Variants in RAB3IL1 observed in about 807,000 individuals in gnomAD.
RAB3IL1 encodes RAB3A interacting protein like 1.
RAB3IL1 carries 37 observed loss-of-function variants against 49.2 expected under a neutral mutation model. The observed-to-expected ratio is 0.75, with a 90% CI of 0.58 to 0.99. RAB3IL1 has a LOEUF of 0.99. RAB3IL1 is among the 50% of genes least tolerant of loss of function. The pLI is 0.00. For missense variants in RAB3IL1, 484 were observed against 513.0 expected (o/e 0.94, Z 0.55); for synonymous variants, 193 against 213.9 (o/e 0.90, Z 0.85).
At chr11:61,921,318 C>T (rs1245355591), upstream of RAB3IL1, among the ~76,000 whole-genome samples, 4 of 152,148 alleles carry the variant, frequency 2.6e-5, no homozygotes, top group Non-Finnish European at 5.9e-5. Context: ...AGACGGTGTG[C>T]CTTTGAGCAC....
At chr11:61,942,570 G>A in the RAB3IL1 span, among the ~76,000 whole-genome samples, 1 of 152,098 alleles carries the variant, frequency 6.6e-6, no homozygotes, top group Non-Finnish European at 1.5e-5. Context: ...CACTGCACCT[G>A]GCAAATTATG....
At chr11:61,920,514 G>T (rs981219422), upstream of RAB3IL1, among the ~76,000 whole-genome samples, 1 of 152,220 alleles carries the variant, frequency 6.6e-6, no homozygotes, top group Non-Finnish European at 1.5e-5. Context: ...CACCACGCAG[G>T]CTGGGGTGTT....
chr11:61,920,156 G>A (rs1401897649), upstream of RAB3IL1: 8 of 1,326,890 alleles, frequency 6.0e-6, no homozygotes, highest in East Asian at 2.9e-5. Flanking sequence ...CATGTCCCTC[G>A]GGCGGGGCAC....
the RAB3IL1 span, chr11:61,945,805 G>A: frequency 1.0e-6 from 1 of 985,354 alleles, no homozygotes; most frequent in Non-Finnish European, 1.2e-6. Context: ...AGTCCATGGG[G>A]GACCTCGCAG....
At chr11:61,944,586 C>A in the RAB3IL1 span, among the ~76,000 whole-genome samples, 1 of 152,168 alleles carries the variant, frequency 6.6e-6, no homozygotes. Context: ...AAGGACGATG[C>A]TCCCGGGCCC....
At chr11:61,900,486 G>A (rs1019825616) in intron 8 of RAB3IL1, among the ~76,000 whole-genome samples, 7 of 152,208 alleles carry the variant, frequency 4.6e-5, no homozygotes, top group Admixed American at 3.9e-4. Flanking sequence ...GCGAGAGAGC[G>A]GGGCGAGGTC....
At chr11:61,912,398 C>G (rs555556272) in intron 1 of RAB3IL1, among the ~76,000 whole-genome samples, 2 of 152,338 alleles carry the variant, frequency 1.3e-5, no homozygotes, top group East Asian at 3.9e-4. Context: ...GGCCAGCTCT[C>G]AGGCCAGCCT....
the RAB3IL1 span, among the ~76,000 whole-genome samples, chr11:61,925,571 G>A: frequency 2.6e-5 from 4 of 151,874 alleles, no homozygotes; most frequent in Non-Finnish European, 5.9e-5. Context: ...GGAGGTGGAG[G>A]CTGCAGTGAG....
upstream of RAB3IL1, among the ~76,000 whole-genome samples, chr11:61,918,068 C>T (rs1939787158): frequency 6.6e-6 from 1 of 152,186 alleles, no homozygotes; most frequent in African/African-American, 2.4e-5. Context: ...CTCACTCAGC[C>T]TCCTGCCACT....
At chr11:61,916,337 C>T (rs933627125) in intron 1 of RAB3IL1, among the ~76,000 whole-genome samples, 2 of 151,454 alleles carry the variant, frequency 1.3e-5, no homozygotes, top group African/African-American at 4.9e-5. Context: ...CAGAGCAAGA[C>T]TCCGTCTCAA....
chr11:61,917,297 G>T, intron 1 of RAB3IL1, 60 bp downstream of exon 1: 11 of 1,353,008 alleles, frequency 8.1e-6, no homozygotes, highest in Non-Finnish European at 1.0e-5. Context: ...AAATCCTCCC[G>T]TCCCGGGAGG....
At chr11:61,931,701 G>A in the RAB3IL1 span, among the ~76,000 whole-genome samples, 165 of 152,282 alleles carry the variant, frequency 1.1e-3, no homozygotes, top group African/African-American at 3.6e-3. Context: ...ACCTCAGGAT[G>A]AGAAAAGAAG....
the RAB3IL1 span, among the ~76,000 whole-genome samples, chr11:61,926,265 A>G: frequency 3.6e-4 from 55 of 152,346 alleles, no homozygotes; most frequent in South Asian, 6.2e-3. Flanking sequence ...TCACTCATTC[A>G]TCAGATTTTT....
chr11:61,929,884 CTTTTTT>C, the RAB3IL1 span, among the ~76,000 whole-genome samples: 3 of 66,380 alleles, frequency 4.5e-5, no homozygotes, highest in African/African-American at 1.1e-4. Flanking sequence ...CCGCGCCCGG[CTTTTTT>C]TTTTTTTTTT....
intron 1 of RAB3IL1, among the ~76,000 whole-genome samples, chr11:61,909,502 C>A (rs1405194102): frequency 6.6e-6 from 1 of 152,238 alleles, no homozygotes; most frequent in Non-Finnish European, 1.5e-5. Flanking sequence ...CCCGGTCCAG[C>A]TGCCCAGCCC....
At chr11:61,931,495 A>C in the RAB3IL1 span, among the ~76,000 whole-genome samples, 1 of 152,174 alleles carries the variant, frequency 6.6e-6, no homozygotes, top group African/African-American at 2.4e-5. Flanking sequence ...AGTTTTTAAG[A>C]TCTCGCTCTT....
chr11:61,902,385 TC>T, intron 8 of RAB3IL1, 56 bp downstream of exon 8: 1 of 1,448,814 alleles, frequency 6.9e-7, no homozygotes, highest in Non-Finnish European at 9.5e-7. Context: ...GGGCCCAGTG[TC>T]CCAGCACCCA....
At chr11:61,920,077 T>C, upstream of RAB3IL1, 1 of 1,293,070 alleles carries the variant, frequency 7.7e-7, no homozygotes, top group South Asian at 2.4e-5. Context: ...CAAGTTCCCC[T>C]CAAGTACAGG....
upstream of RAB3IL1, chr11:61,920,000 A>G: frequency 4.1e-6 from 5 of 1,223,056 alleles, no homozygotes; most frequent in East Asian, 1.6e-4. Flanking sequence ...GAAGCTTGCC[A>G]AGACTCCCCC....
Sources: allele counts gnomAD v4.1 joint callset (sites outside exome capture counted in the v4.1 genomes callset), GRCh38; gene constraint gnomAD v4.1.1; transcripts MANE v1.5; gene names NCBI Gene and HGNC (gene_info 2026-07-23, HGNC 2026-07-21).